The following PDILT variants were observed in gnomAD, a reference collection of about 807,000 sequenced individuals.
The protein encoded by PDILT is protein disulfide-isomerase-like protein of the testis.
In PDILT, 43 loss-of-function variants were observed where a neutral mutation model predicts 53.7. The observed-to-expected ratio is 0.80, with a 90% CI of 0.63 to 1.03. The LOEUF (loss-of-function observed/expected upper bound fraction) is 1.03, where lower values mean the gene tolerates loss of function less well. PDILT is among the 50% of genes least tolerant of loss of function. PDILT has a pLI of 0.00. For synonymous variants in PDILT, 282 were observed against 274.2 expected (o/e 1.03, Z -0.28); for missense variants, 727 against 712.3 (o/e 1.02, Z -0.24).
chr16:20,360,463 T>A (rs974356368), intron 11 of PDILT, 105 bp downstream of exon 11: 1 of 1,066,148 alleles, frequency 9.4e-7, no homozygotes, highest in Non-Finnish European at 1.4e-6. Context: ...TCCTCAACCA[T>A]CTCCCAAGAT....
chr16:20,402,454 A>T (rs11865591), intron 1 of PDILT, among the ~76,000 whole-genome samples: 37,527 of 152,032 alleles, frequency 0.25, 4,803 homozygotes, highest in Admixed American at 0.34. Context: ...GCGTGCCATC[A>T]TGCCCGGCTA....
chr16:20,364,036 A>T (rs1004864387), intron 9 of PDILT, among the ~76,000 whole-genome samples: 2 of 152,146 alleles, frequency 1.3e-5, no homozygotes, highest in Non-Finnish European at 2.9e-5. Flanking sequence ...AAGTGTCTCC[A>T]TGGCCATCCC....
chr16:20,399,599 C>T (rs543521130), intron 1 of PDILT, among the ~76,000 whole-genome samples: 6 of 152,172 alleles, frequency 3.9e-5, no homozygotes, highest in African/African-American at 9.6e-5. Flanking sequence ...TTCCCAGCCA[C>T]GAGGTGAGAC....
At chr16:20,393,219 G>A (rs1226562607) in intron 2 of PDILT, among the ~76,000 whole-genome samples, 1 of 152,180 alleles carries the variant, frequency 6.6e-6, no homozygotes, top group South Asian at 2.1e-4. Context: ...TAGTGTGGAT[G>A]AGGGATGTGC....
At chr16:20,362,363 T>C (rs1183131191) in intron 10 of PDILT, 41 bp downstream of exon 10, 1 of 1,603,512 alleles carries the variant, frequency 6.2e-7, no homozygotes, top group African/African-American at 1.3e-5. Context: ...GATAATAACA[T>C]AACATTGTTT....
chr16:20,359,701 A>C, intron 11 of PDILT, 134 bp from the exon 12 acceptor site: 1 of 908,712 alleles, frequency 1.1e-6, no homozygotes. Flanking sequence ...AGAGAGAATC[A>C]GTCTTTGGAC....
rs1353590905 is a variant in PDILT, at chr16:20,374,837, G to A, written c.666C>T (p.Val222=). 1 of 1,613,124 alleles carries A rather than the reference G, an allele frequency of 6.2e-7. No homozygotes were observed. Among genetic ancestry groups the A allele is most frequent in the Non-Finnish European group, 8.5e-7 (1 of 1,179,742 alleles). ...IGRFHVTLDS[V]LVFKKGKIVN... is the part of the protein sequence containing the mutation. ...AAAATCCTACCTTTTTGAACACCAG[G>A]ACGCTGTCAAGGGTGACGTGGAAAC... The change falls in exon 5 of 12, where the codon GTC becomes GTT. Residue 222 remains valine, a synonymous_variant. Transcript: ENST00000302451.
chr16:20,363,104 GAA>G (rs1966132272), intron 9 of PDILT, among the ~76,000 whole-genome samples: 2 of 140,226 alleles, frequency 1.4e-5, no homozygotes, highest in African/African-American at 5.2e-5. Flanking sequence ...AAGAAAGAAA[GAA>G]AAAGAAAAAG....
intron 8 of PDILT, among the ~76,000 whole-genome samples, chr16:20,366,612 A>C (rs1342302100): frequency 6.6e-6 from 1 of 152,250 alleles, no homozygotes; most frequent in Admixed American, 6.5e-5. Context: ...GTAGATCCTC[A>C]ATAAATGTTT....
At position 20,398,327 on chromosome 16, in the gene PDILT, G is replaced by A. The variant is rs567442746; in HGVS notation, c.202+772C>T. Among the ~76,000 whole-genome samples the A allele has an allele frequency of 6.6e-5, 10 of 152,254 alleles. No individual in the cohort carries two copies. In the South Asian group the frequency reaches 2.1e-3, roughly 32 times the overall value. The stretch of plus-strand genomic sequence containing the variant: ...AGTGGCCATGCAAATCTGACAGCAA[G>A]AGTGATGGTCTCGGCTGGGCACAGT... On this transcript the variant is annotated intron_variant, in intron 2 of 11. Transcript: ENST00000302451.
At chr16:20,404,219 G>A (rs1490556471) in intron 1 of PDILT, among the ~76,000 whole-genome samples, 1 of 152,128 alleles carries the variant, frequency 6.6e-6, no homozygotes, top group African/African-American at 2.4e-5. Flanking sequence ...TCATTTCAGT[G>A]GTTCTCAACC....
In PDILT at chr16:20,374,808, G is replaced by A. The variant is rs1482748952; in HGVS notation, c.681+14C>T. 1.2e-6 allele frequency: 2 copies of A among 1,608,162 alleles called. No individual in the cohort carries two copies. The highest frequency in any genetic ancestry group is 4.5e-5 in the East Asian group (2 of 44,812). ...ACCAGAGACCTCTCACTAGCAATAG[G>A]ATCAAAATCCTACCTTTTTGAACAC... On this transcript the variant is annotated intron_variant, in intron 5 of 11. Transcript: ENST00000302451.
At chr16:20,386,507 T>C (rs1254482633) in intron 2 of PDILT, among the ~76,000 whole-genome samples, 2 of 152,172 alleles carry the variant, frequency 1.3e-5, no homozygotes, top group Non-Finnish European at 2.9e-5. Flanking sequence ...TTTTGTAAAG[T>C]GCCGCTCAGA....
In PDILT at chr16:20,369,534, G is replaced by A. The variant is rs1235073758; in HGVS notation, c.1074C>T (p.Ser358=). The part of the protein sequence containing the change: ...KMPSDDITYE[S]LKKFGRSFLS... ...GGAAGCTGCGGCCAAATTTCTTGAGGCTTTCGTAGGTTATGTCATCTGAAG... is the reference window on the plus strand; with the variant it reads ...GGAAGCTGCGGCCAAATTTCTTGAGACTTTCGTAGGTTATGTCATCTGAAG... The change falls in exon 8 of 12, where the codon AGC becomes AGT. Residue 358 remains serine, a synonymous_variant. Transcript: ENST00000302451. The A allele has an allele frequency of 6.2e-7, 1 of 1,614,092 alleles. No individual in the cohort carries two copies. Among genetic ancestry groups the A allele is most frequent in the Non-Finnish European group, 8.5e-7 (1 of 1,180,048 alleles).
At chr16:20,378,886 G>T (rs1966422955) in intron 3 of PDILT, among the ~76,000 whole-genome samples, 1 of 152,076 alleles carries the variant, frequency 6.6e-6, no homozygotes, top group African/African-American at 2.4e-5. Context: ...TCTTGGCTCT[G>T]GTTTCATTAT....
At position 20,404,677 on chromosome 16, in the gene PDILT, G is replaced by A. The variant is rs898230334; in HGVS notation, c.-189C>T. The stretch of plus-strand genomic sequence containing the variant: ...ACTGGGCATTCTAAAGAATCCACAG[G>A]CAGAAATGAAGTCCCTTCCTGGGCA... On this transcript the variant is annotated 5_prime_UTR_variant, in exon 1 of 12. Transcript: ENST00000302451. The A allele has an allele frequency of 6.6e-6, 1 of 152,376 alleles. No homozygotes were observed. The highest frequency in any genetic ancestry group is 1.5e-5 in the Non-Finnish European group (1 of 68,200). 9.4% of individuals were successfully genotyped at this position (152,376 alleles called of 1,614,324 possible).
intron 1 of PDILT, among the ~76,000 whole-genome samples, chr16:20,403,482 A>G (rs899615356): frequency 2.2e-4 from 34 of 151,790 alleles, no homozygotes; most frequent in African/African-American, 7.5e-4. Context: ...TAGAAACGGG[A>G]TTTCACCATG....
rs1966333069 is a variant in PDILT, at chr16:20,373,204, T to C, written c.682-82A>G. On this transcript the variant is annotated intron_variant, in intron 5 of 11. Transcript: ENST00000302451. Reference sequence around the variant, plus strand: ...AATAAATATAAATAGCACAATTTTCTCCTTGGATAAAAGGAAAGCACTGAG... The same window carrying C: ...AATAAATATAAATAGCACAATTTTCCCCTTGGATAAAAGGAAAGCACTGAG... 9 of 1,190,556 alleles carry C rather than the reference T, an allele frequency of 7.6e-6. No individual in the cohort carries two copies. The South Asian group carries it at 1.2e-4, about 16-fold the overall frequency. The allele number at this position is 1,190,556 out of a possible 1,614,324, so 73.7% of individuals were successfully genotyped here.
At chr16:20,393,853 C>T (rs918241704) in intron 2 of PDILT, among the ~76,000 whole-genome samples, 17 of 152,208 alleles carry the variant, frequency 1.1e-4, no homozygotes, top group Admixed American at 6.5e-5. Context: ...TGTCACCTTG[C>T]AGGACTGTGG....
Sources: gnomAD v4.1 joint callset for allele counts (sites outside exome capture counted in the v4.1 genomes callset) on GRCh38, gnomAD v4.1.1 for gene constraint, MANE v1.5 for transcripts, NCBI Gene and HGNC (gene_info 2026-07-23, HGNC 2026-07-21) for gene names.